Variants in TCF20 observed in about 807,000 individuals in gnomAD.
The protein encoded by TCF20 is SPRE-binding protein.
A neutral mutation model predicts 148.6 loss-of-function variants in TCF20; 3 were observed. The ratio of observed to expected loss-of-function variants is 0.02; its 90% CI spans 0.01 to 0.05. TCF20 has a LOEUF of 0.05. TCF20 is among the 10% of genes least tolerant of loss of function. TCF20 has a pLI of 1.00. For missense variants in TCF20, 2,350 were observed against 2,429.3 expected (o/e 0.97, Z 0.69); for synonymous variants, 1,049 against 909.5 (o/e 1.15, Z -2.76).
intron 1 of TCF20, among the ~76,000 whole-genome samples, chr22:42,283,365 C>T (rs1266963906): frequency 1.3e-5 from 2 of 151,692 alleles, no homozygotes; most frequent in Non-Finnish European, 3.0e-5. Context: ...TGGCTGCGCA[C>T]GGCGGCTGGA....
At chr22:42,301,628 C>A (rs183220558) in intron 1 of TCF20, among the ~76,000 whole-genome samples, 1 of 152,314 alleles carries the variant, frequency 6.6e-6, no homozygotes, top group Admixed American at 6.5e-5. Flanking sequence ...AGCTCCCTGG[C>A]GTAGCTCCAG....
intron 2 of TCF20, among the ~76,000 whole-genome samples, chr22:42,190,808 T>A (rs1361900559): frequency 1.3e-5 from 2 of 152,032 alleles, no homozygotes; most frequent in East Asian, 3.9e-4. Flanking sequence ...TTAAGTAACA[T>A]GTGAAAATAT....
At chr22:42,295,210 T>A (rs1378791144) in intron 1 of TCF20, among the ~76,000 whole-genome samples, 1 of 152,122 alleles carries the variant, frequency 6.6e-6, no homozygotes, top group African/African-American at 2.4e-5. Flanking sequence ...GACAGTAACA[T>A]TTGAGGTGAA....
chr22:42,252,919 A>G (rs1483582650), intron 1 of TCF20, among the ~76,000 whole-genome samples: 2 of 152,112 alleles, frequency 1.3e-5, no homozygotes, highest in African/African-American at 4.8e-5. Context: ...CAAATATTTA[A>G]TTTAGTAGAG....
intron 1 of TCF20, among the ~76,000 whole-genome samples, chr22:42,266,909 A>G (rs989253704): frequency 2.0e-5 from 3 of 152,258 alleles, no homozygotes; most frequent in African/African-American, 7.2e-5. Context: ...TGAAAATTTT[A>G]TAACAATTTT....
At chr22:42,270,669 G>A (rs1241105102), upstream of TCF20, among the ~76,000 whole-genome samples, 1 of 143,438 alleles carries the variant, frequency 7.0e-6, no homozygotes, top group Non-Finnish European at 1.5e-5. Flanking sequence ...GTCAGGTGAC[G>A]GCGCGCGGCC....
intron 3 of TCF20, among the ~76,000 whole-genome samples, chr22:42,175,009 G>A (rs551859577): frequency 5.3e-5 from 8 of 151,296 alleles, no homozygotes; most frequent in Admixed American, 2.6e-4. Context: ...CACTCCAGTC[G>A]GGGCAACACA....
At position 42,242,287 on chromosome 22, in the gene TCF20, T is replaced by C. The variant is rs138635551; in HGVS notation, c.-36-26946A>G. On this transcript the variant is annotated intron_variant, in intron 1 of 5. Coordinates refer to ENST00000677622, the MANE Select transcript of TCF20 (RefSeq NM_001378418.1). ...TCCCTGTATGGGTGGACTCTTAGAA[T>C]GAGAAGGGAATGGAGGCAAGGCAGT... 1.1e-3 allele frequency among the ~76,000 whole-genome samples: 162 copies of C among 147,500 alleles called. No homozygotes were observed. In the Middle Eastern group the frequency reaches 0.029, roughly 26 times the overall value.
chr22:42,210,423 T>A lies in TCF20; in HGVS notation c.4883A>T (p.Asn1628Ile). 6.2e-7 allele frequency: 1 copy of A among 1,614,240 alleles called. No homozygotes were observed. Among genetic ancestry groups the A allele is most frequent in the Non-Finnish European group, 8.5e-7 (1 of 1,180,042 alleles). ...TQPLDKTDAKNKSFYPYIHVV... is the reference protein window; with the variant it reads ...TQPLDKTDAKIKSFYPYIHVV... ...ATGGATGTAAGGGTAAAAAGACTTG[T>A]TCTTGGCATCAGTTTTATCCAGTGG... is the stretch of plus-strand genomic sequence containing the variant. Residue 1628 changes from asparagine to isoleucine, a missense_variant, in exon 2 of 6, where the codon AAC becomes ATC. Asn to Ile is a moderately radical substitution (Grantham distance 149). Around this residue, in one of 7 missense-constraint regions of TCF20, gnomAD observed 374 missense variants for 398.3 expected, o/e 0.94. Coordinates refer to ENST00000677622, the MANE Select transcript of TCF20 (RefSeq NM_001378418.1). The surrounding 1 kb of genome is among the most constrained non-coding windows in gnomAD (Gnocchi z 4.7).
chr22:42,175,028 C>G (rs910569930), intron 3 of TCF20, among the ~76,000 whole-genome samples: 7 of 150,900 alleles, frequency 4.6e-5, no homozygotes, highest in Admixed American at 1.3e-4. Context: ...CAGCGAGACT[C>G]TGTCTCAAAA....
At chr22:42,339,565 C>T (rs1048003903) in intron 1 of TCF20, among the ~76,000 whole-genome samples, 3 of 152,218 alleles carry the variant, frequency 2.0e-5, no homozygotes, top group Non-Finnish European at 4.4e-5. Flanking sequence ...ACAAAAACGG[C>T]GCTCACTCTG....
intron 3 of TCF20, 142 bp from the exon 4 acceptor site, chr22:42,170,038 C>G: frequency 1.4e-6 from 1 of 712,728 alleles, no homozygotes; most frequent in African/African-American, 1.8e-5. Flanking sequence ...AGAGACAACC[C>G]AAGTAAGCTA....
intron 1 of TCF20, among the ~76,000 whole-genome samples, chr22:42,311,260 G>C (rs981273048): frequency 6.6e-6 from 1 of 152,254 alleles, no homozygotes; most frequent in Non-Finnish European, 1.5e-5. Context: ...GCAGAAGGGG[G>C]CTGCCTAAGT....
intron 1 of TCF20, among the ~76,000 whole-genome samples, chr22:42,329,919 G>C (rs951114172): frequency 4.6e-5 from 7 of 152,166 alleles, no homozygotes; most frequent in Non-Finnish European, 1.0e-4. Flanking sequence ...AACTCACCAG[G>C]GGCCACCAAG....
intron 2 of TCF20, among the ~76,000 whole-genome samples, chr22:42,186,588 G>T (rs1476983959): frequency 6.6e-6 from 1 of 152,144 alleles, no homozygotes; most frequent in Non-Finnish European, 1.5e-5. Flanking sequence ...AGCAGACCCT[G>T]CATGGGTCTG....
At chr22:42,168,265 A>G (rs1935908793) in intron 5 of TCF20, among the ~76,000 whole-genome samples, 1 of 152,206 alleles carries the variant, frequency 6.6e-6, no homozygotes, top group South Asian at 2.1e-4. Context: ...GAGACGGGGG[A>G]AAGAGCAGGG....
chr22:42,216,892 G>A (rs1424462903), intron 1 of TCF20, among the ~76,000 whole-genome samples: 1 of 152,192 alleles, frequency 6.6e-6, no homozygotes, highest in African/African-American at 2.4e-5. Flanking sequence ...CAGAGTCAGA[G>A]ATGAAAGGGA....
At chr22:42,287,192 G>A (rs1388731864), upstream of TCF20, among the ~76,000 whole-genome samples, 1 of 152,152 alleles carries the variant, frequency 6.6e-6, no homozygotes, top group South Asian at 2.1e-4. Flanking sequence ...GCCTCTATTT[G>A]GGAGCACAGG....
In TCF20 at chr22:42,214,328, C is replaced by G. The variant is rs774218634; in HGVS notation, c.978G>C (p.Gln326His). ...CAGCGTTAGTATACTGCATCACATGCTGAGAAGGGTGTTGTTGTTGCTGCG... is the reference window on the plus strand; with the variant it reads ...CAGCGTTAGTATACTGCATCACATGGTGAGAAGGGTGTTGTTGTTGCTGCG... ...QQPQQQQHPS[Q>H]HVMQYTNAAT... The change falls in exon 2 of 6, where the codon CAG (glutamine) becomes CAC (histidine). Residue 326 changes from glutamine (Q) to histidine (H), a missense_variant. Physicochemically the swap from Gln to His is conservative, Grantham distance 24. Around this residue, in one of 7 missense-constraint regions of TCF20, gnomAD observed 1,641 missense variants for 1,662.6 expected, o/e 0.99. Transcript: ENST00000677622. 5 of 1,614,086 alleles carry G rather than the reference C, an allele frequency of 3.1e-6. No homozygotes were observed. In the African/African-American group the frequency reaches 6.7e-5, roughly 22 times the overall value.
Sources: allele counts gnomAD v4.1 joint callset (sites outside exome capture counted in the v4.1 genomes callset), GRCh38; gene constraint gnomAD v4.1.1; regional missense constraint gnomAD v4.1.1; non-coding constraint Gnocchi (gnomAD v3.1); transcripts MANE v1.5; gene names NCBI Gene and HGNC (gene_info 2026-07-23, HGNC 2026-07-21).